EVC2: variants seen among roughly 807,000 people sequenced by gnomAD.
The protein encoded by EVC2 is limbin.
A neutral mutation model predicts 149.3 loss-of-function variants in EVC2; 148 were observed. The observed-to-expected ratio is 0.99, with a 90% CI of 0.87 to 1.14. EVC2 has a LOEUF of 1.14. Ranked by LOEUF, EVC2 falls within the 50% of genes most tolerant of loss-of-function variation. The pLI is 0.00. For synonymous variants in EVC2, 776 were observed against 649.9 expected (o/e 1.19, Z -2.95); for missense variants, 1,854 against 1,627.3 (o/e 1.14, Z -2.40).
chr4:5,708,638 A>C, upstream of EVC2: 1 of 641,392 alleles, frequency 1.6e-6, no homozygotes, highest in Non-Finnish European at 2.4e-6. Flanking sequence ...TTTCTGGAAC[A>C]AACACCCGCA....
chr4:5,543,048 T>C, exon 22 of EVC2: 1 of 932,012 alleles, frequency 1.1e-6, no homozygotes. Flanking sequence ...TGACTTACTA[T>C]TACGCAAACA....
At chr4:5,535,603 G>C in the EVC2 span, among the ~76,000 whole-genome samples, 4 of 134,170 alleles carry the variant, frequency 3.0e-5, no homozygotes, top group Non-Finnish European at 6.4e-5. This position sits in a 1 kb window ranked among gnomAD's most constrained non-coding sequence, Gnocchi z 4.7. Flanking sequence ...TGCTTAGAAA[G>C]AGAGAGAGAG....
At chr4:5,581,530 A>C (rs1168548036) in intron 17 of EVC2, among the ~76,000 whole-genome samples, 1 of 152,216 alleles carries the variant, frequency 6.6e-6, no homozygotes, top group Non-Finnish European at 1.5e-5. Flanking sequence ...TTAATTTGAG[A>C]GTGATGATTT....
chr4:5,669,071 C>T (rs538106034), intron 7 of EVC2, among the ~76,000 whole-genome samples: 1 of 152,226 alleles, frequency 6.6e-6, no homozygotes, highest in South Asian at 2.1e-4. Context: ...CCAAGGATTT[C>T]AAGGAATGCT....
At position 5,670,510 on chromosome 4, in the gene EVC2, G is replaced by A. The variant is rs561865219; in HGVS notation, c.871-4861C>T. ...CATCACCATCACCACCATCACCATC[G>A]CCACCACGATTATCAACATCATCAA... On this transcript the variant is annotated intron_variant, in intron 7 of 21. Coordinates refer to ENST00000344408, the MANE Select transcript of EVC2 (RefSeq NM_147127.5). This position sits in a 1 kb window ranked among gnomAD's most constrained non-coding sequence, Gnocchi z 5.2. 7.5e-4 allele frequency among the ~76,000 whole-genome samples: 102 copies of A among 136,160 alleles called. No individual in the cohort carries two copies. Among genetic ancestry groups the A allele is most frequent in the African/African-American group, 2.7e-3 (96 of 36,016 alleles). 89.3% of individuals were successfully genotyped at this position (136,160 alleles called of 152,430 possible).
chr4:5,638,399 A>C lies in EVC2; in HGVS notation c.1470+2115T>G, dbSNP rs568825730. On this transcript the variant is annotated intron_variant, in intron 10 of 21. Coordinates refer to ENST00000344408, the MANE Select transcript of EVC2 (RefSeq NM_147127.5). Reference sequence around the variant, plus strand: ...GTGAGACTCTATCTCAAAAAACAAAAAAAAAAAAATTGTAACAGATTTAGG... The same window carrying C: ...GTGAGACTCTATCTCAAAAAACAAACAAAAAAAAATTGTAACAGATTTAGG... Among the ~76,000 whole-genome samples, 37 of 149,084 alleles carry C rather than the reference A, an allele frequency of 2.5e-4. No individual in the cohort carries two copies. In the South Asian group the frequency reaches 2.9e-3, roughly 12 times the overall value.
rs749013822 is a variant in EVC2, at chr4:5,663,230, C to T, written c.1022G>A (p.Ser341Asn). The T allele has an allele frequency of 2.7e-5, 44 of 1,614,004 alleles. No individual in the cohort carries two copies. The highest frequency in any genetic ancestry group is 3.7e-5 in the Non-Finnish European group (44 of 1,180,014). ...LTRHRVWQYE[S>N]KLEPLPFTSA... is the part of the protein sequence containing the mutation. Reference sequence around the variant, plus strand: ...GGTGAACGGCAAGGGTTCCAGCTTGCTCTCATACTGCCAAACCTTCAGGAG... The same window carrying T: ...GGTGAACGGCAAGGGTTCCAGCTTGTTCTCATACTGCCAAACCTTCAGGAG... Residue 341 changes from serine (S) to asparagine (N), a missense_variant, in exon 9 of 22, where the codon AGC (serine) becomes AAC (asparagine). Physicochemically the swap from Ser to Asn is conservative, Grantham distance 46 (BLOSUM62 1). Coordinates refer to ENST00000344408, the MANE Select transcript of EVC2 (RefSeq NM_147127.5).
intron 5 of EVC2, among the ~76,000 whole-genome samples, chr4:5,687,414 G>A (rs1421206721): frequency 6.6e-6 from 1 of 152,146 alleles, no homozygotes; most frequent in East Asian, 1.9e-4. Flanking sequence ...AGCATGCCCA[G>A]AGGAGAGATG....
intron 21 of EVC2, among the ~76,000 whole-genome samples, chr4:5,564,249 G>A (rs1007364374): frequency 1.3e-5 from 2 of 152,196 alleles, no homozygotes; most frequent in Non-Finnish European, 2.9e-5. Context: ...GCAAAGGCCC[G>A]CAGAGTGAGC....
chr4:5,557,830 T>C (rs1045331783), downstream of EVC2, among the ~76,000 whole-genome samples: 9 of 152,130 alleles, frequency 5.9e-5, no homozygotes, highest in African/African-American at 2.2e-4. Flanking sequence ...CAAATTAATA[T>C]AATTTAGGTT....
In EVC2 at chr4:5,617,915, G is replaced by A. The variant is rs148457764; in HGVS notation, c.2706+563C>T. ...CAAGGCTGTGGTCTCAGGTAAAGTT[G>A]AGCCTAAACTGGTCCCTGGGGGCTT... is the stretch of plus-strand genomic sequence containing the variant. On this transcript the variant is annotated intron_variant, in intron 15 of 21. Coordinates refer to ENST00000344408, the MANE Select transcript of EVC2 (RefSeq NM_147127.5). Among the ~76,000 whole-genome samples, 335 of 152,272 alleles carry A rather than the reference G, an allele frequency of 2.2e-3. 3 individuals carry two copies. The highest frequency in any genetic ancestry group is 0.01 in the Middle Eastern group (3 of 294).
At chr4:5,538,932 C>A (rs767991875), downstream of EVC2, among the ~76,000 whole-genome samples, 45 of 152,156 alleles carry the variant, frequency 3.0e-4, no homozygotes, top group Admixed American at 1.3e-3. Flanking sequence ...TAAACATTGT[C>A]CTGGAAGTTT....
At chr4:5,667,328 T>A (rs952189876) in intron 7 of EVC2, among the ~76,000 whole-genome samples, 1 of 151,856 alleles carries the variant, frequency 6.6e-6, no homozygotes, top group Non-Finnish European at 1.5e-5. Flanking sequence ...AATGAGTAGG[T>A]ATTATTTGTG....
intron 2 of EVC2, among the ~76,000 whole-genome samples, chr4:5,695,308 ACTGCACTCCAGTC>A (rs1188449418): frequency 6.0e-5 from 9 of 151,248 alleles, no homozygotes; most frequent in African/African-American, 1.9e-4. Flanking sequence ...AGATCATGCC[ACTGCACTCCAGTC>A]TGGGCGACAG....
At chr4:5,543,077 CTGCTCA>C in exon 22 of EVC2, 1 of 1,205,110 alleles carries the variant, frequency 8.3e-7, no homozygotes. Context: ...AACGATTGCA[CTGCTCA>C]GTCCGAGGTA....
chr4:5,596,444 C>T lies in EVC2; in HGVS notation c.2830-11594G>A, dbSNP rs546803172. On this transcript the variant is annotated intron_variant, in intron 16 of 21. Coordinates refer to ENST00000344408, the MANE Select transcript of EVC2 (RefSeq NM_147127.5). ...TCAAAACCGCTCAACTACAGGGAAACTGAACAACCTGCTCCTGAATGACTA... is the reference window on the plus strand; with the variant it reads ...TCAAAACCGCTCAACTACAGGGAAATTGAACAACCTGCTCCTGAATGACTA... 7.0e-4 allele frequency among the ~76,000 whole-genome samples: 107 copies of T among 152,252 alleles called. 7 individuals are homozygous for T. The highest frequency in any genetic ancestry group is 4.6e-4 in the Admixed American group (7 of 15,292).
chr4:5,590,025 G>A (rs980834524), intron 16 of EVC2, among the ~76,000 whole-genome samples: 2 of 152,192 alleles, frequency 1.3e-5, no homozygotes, highest in Non-Finnish European at 2.9e-5. Flanking sequence ...ATTGGCATTT[G>A]AAGCAGATAC....
chr4:5,606,689 TGAGA>T (rs1714417178), intron 16 of EVC2, among the ~76,000 whole-genome samples: 2 of 151,808 alleles, frequency 1.3e-5, no homozygotes, highest in Non-Finnish European at 2.9e-5. Flanking sequence ...TCAATAGAAA[TGAGA>T]GAGACGGTGG....
chr4:5,684,636 A>G (rs1577250225), intron 6 of EVC2, among the ~76,000 whole-genome samples: 1 of 152,192 alleles, frequency 6.6e-6, no homozygotes, highest in Non-Finnish European at 1.5e-5. Flanking sequence ...GCGTAAGTGA[A>G]CCCACCACAG....
Sources: gnomAD v4.1 joint callset for allele counts (sites outside exome capture counted in the v4.1 genomes callset) on GRCh38, gnomAD v4.1.1 for gene constraint, Gnocchi (gnomAD v3.1) non-coding constraint, MANE v1.5 for transcripts, NCBI Gene and HGNC (gene_info 2026-07-23, HGNC 2026-07-21) for gene names.